Variants in CATSPERD observed in about 807,000 individuals in gnomAD.
CATSPERD encodes catsper channel auxiliary subunit delta, also known as cation channel sperm-associated auxiliary subunit delta.
CATSPERD carries 86 observed loss-of-function variants against 98.1 expected under a neutral mutation model. The observed-to-expected ratio is 0.88, with a 90% CI of 0.74 to 1.05. CATSPERD has a LOEUF of 1.05. CATSPERD is among the 50% of genes least tolerant of loss of function. The pLI, the probability that CATSPERD is intolerant of heterozygous loss-of-function variation, is 0.00. For missense variants in CATSPERD, 995 were observed against 1,005.7 expected (o/e 0.99, Z 0.14); for synonymous variants, 394 against 390.2 (o/e 1.01, Z -0.12).
chr19:5,751,512 A>C (rs555398166), intron 11 of CATSPERD, 135 bp from the exon 12 acceptor site: 242 of 586,308 alleles, frequency 4.1e-4, no homozygotes, highest in East Asian at 1.9e-3. Context: ...CCAGCCTGGG[A>C]GACAGAGTGA....
chr19:5,765,527 C>T (rs948758757), intron 16 of CATSPERD, among the ~76,000 whole-genome samples: 1 of 151,882 alleles, frequency 6.6e-6, no homozygotes, highest in Admixed American at 6.6e-5. Flanking sequence ...TAAATTAGTT[C>T]TGGGCCTGGC....
intron 8 of CATSPERD, 128 bp from the exon 9 acceptor site, chr19:5,745,785 C>A: frequency 1.3e-6 from 1 of 790,612 alleles, no homozygotes; most frequent in African/African-American, 1.7e-5. Context: ...GAAAGGCAGA[C>A]TTGTGGCTTC....
intron 12 of CATSPERD, chr19:5,753,579 C>T (rs1419170693): frequency 2.6e-6 from 1 of 390,408 alleles, no homozygotes; most frequent in Non-Finnish European, 5.0e-6. Context: ...AAAAAAGAAA[C>T]AGAAAGAGGT....
chr19:5,772,687 C>A, intron 19 of CATSPERD, 101 bp from the exon 20 acceptor site: 2 of 1,223,386 alleles, frequency 1.6e-6, no homozygotes, highest in African/African-American at 1.5e-5. Context: ...TGTCACCTCC[C>A]ACCCCCCAAG....
At chr19:5,740,354 G>A (rs945666397) in intron 7 of CATSPERD, among the ~76,000 whole-genome samples, 18 of 151,330 alleles carry the variant, frequency 1.2e-4, no homozygotes, top group South Asian at 2.1e-4. Flanking sequence ...TTGGGAGGCC[G>A]AGGTGGGTGG....
intron 17 of CATSPERD, among the ~76,000 whole-genome samples, chr19:5,766,470 AAAAGT>A (rs2056541380): frequency 1.3e-5 from 2 of 151,916 alleles, no homozygotes; most frequent in Non-Finnish European, 2.9e-5. Context: ...AAAAAAAAAA[AAAAGT>A]AAGTATGTTG....
intron 7 of CATSPERD, among the ~76,000 whole-genome samples, chr19:5,740,439 T>G (rs1462850884): frequency 2.9e-5 from 4 of 138,862 alleles, no homozygotes; most frequent in Non-Finnish European, 6.2e-5. Flanking sequence ...AATACAAAAT[T>G]AGCTGGGCGT....
chr19:5,757,925 A>C lies in CATSPERD; in HGVS notation c.1361A>C (p.Tyr454Ser). ...NGYTSDGNTK[Y>S]KLDIFLKQQQ... ...TACACATCAGATGGGAACACCAAGT[A>C]CAAACTGGTGAGCCGCGTCCCCACC... is the stretch of plus-strand genomic sequence containing the variant. Residue 454 changes from tyrosine (Y) to serine (S), a missense_variant, in exon 14 of 22, where the codon TAC becomes TCC. Physicochemically the swap from Tyr to Ser is moderately radical, Grantham distance 144. This residue lies in a region of CATSPERD where 762 missense variants were observed against 773.7 expected (regional missense o/e 0.98). Transcript: ENST00000381624. 6.2e-7 allele frequency: 1 copy of C among 1,611,798 alleles called. No homozygotes were observed.
At chr19:5,776,381 T>G in intron 21 of CATSPERD, 66 bp downstream of exon 21, 1 of 1,569,846 alleles carries the variant, frequency 6.4e-7, no homozygotes, top group Non-Finnish European at 8.7e-7. Flanking sequence ...GTCACCCGTT[T>G]CGGGGGACAT....
chr19:5,749,960 C>A (rs1248926966), intron 11 of CATSPERD, among the ~76,000 whole-genome samples: 1 of 151,290 alleles, frequency 6.6e-6, no homozygotes, highest in African/African-American at 2.4e-5. Context: ...CATGCCACCA[C>A]ACCAGGCTAA....
At chr19:5,752,976 C>T (rs543304820) in intron 12 of CATSPERD, among the ~76,000 whole-genome samples, 14 of 149,048 alleles carry the variant, frequency 9.4e-5, no homozygotes, top group African/African-American at 2.5e-4. Context: ...TGCAGTGAGC[C>T]GAAACCAAGC....
At chr19:5,720,890 C>A in intron 1 of CATSPERD, 82 bp downstream of exon 1, 11 of 1,158,530 alleles carry the variant, frequency 9.5e-6, no homozygotes, top group Middle Eastern at 2.0e-4. Flanking sequence ...GAGGCCTGCT[C>A]CCCAACCTCA....
chr19:5,764,402 ACCTCCCGGGTTCACGCCAT>A (rs1176555709), intron 16 of CATSPERD, among the ~76,000 whole-genome samples: 30 of 144,674 alleles, frequency 2.1e-4, no homozygotes, highest in African/African-American at 7.7e-4. Flanking sequence ...TGCAAGCTCC[ACCTCCCGGGTTCACGCCAT>A]TCTTCTGCCT....
intron 15 of CATSPERD, among the ~76,000 whole-genome samples, chr19:5,762,054 A>ATTTTTTT (rs1378491245): frequency 6.7e-5 from 1 of 14,880 alleles, no homozygotes; most frequent in Non-Finnish European, 1.6e-4. Flanking sequence ...ATATATATAT[A>ATTTTTTT]TATATTTTTT....
chr19:5,769,611 C>T (rs1436726987), intron 18 of CATSPERD, among the ~76,000 whole-genome samples: 2 of 152,056 alleles, frequency 1.3e-5, no homozygotes, highest in African/African-American at 2.4e-5. Flanking sequence ...AGACCTGAGC[C>T]CTCAAATGCA....
At chr19:5,742,998 G>T (rs3120613) in intron 7 of CATSPERD, among the ~76,000 whole-genome samples, 61,596 of 151,888 alleles carry the variant, frequency 0.41, 13,054 homozygotes, top group Non-Finnish European at 0.48. Context: ...AACTTTGCAG[G>T]TGGGATTAAA....
intron 11 of CATSPERD, among the ~76,000 whole-genome samples, chr19:5,749,638 A>G (rs2056165883): frequency 6.6e-6 from 1 of 152,056 alleles, no homozygotes; most frequent in Non-Finnish European, 1.5e-5. Context: ...CGTGTATTAC[A>G]TTATTTAACC....
Position 5,772,588 on chromosome 19 carries a change from C to G in CATSPERD, c.1764-200C>G, listed in dbSNP as rs542195214. On this transcript the variant is annotated intron_variant, in intron 19 of 21. Coordinates refer to ENST00000381624, the MANE Select transcript of CATSPERD (RefSeq NM_152784.4). ...TCAGTGCTGGCTGCTGCCCATCTCC[C>G]CATGCACCCAGCTCTTTCTCCTGGC... Among the ~76,000 whole-genome samples the G allele has an allele frequency of 2.0e-5, 3 of 152,172 alleles. No individual in the cohort carries two copies. In the East Asian group the frequency reaches 5.8e-4, roughly 29 times the overall value.
chr19:5,776,044 C>A, intron 20 of CATSPERD, 117 bp from the exon 21 acceptor site: 1 of 1,112,274 alleles, frequency 9.0e-7, no homozygotes, highest in Non-Finnish European at 1.3e-6. Context: ...CCCAGAGTCC[C>A]ACCCATGCGT....
Sources: gnomAD v4.1 joint callset for allele counts (sites outside exome capture counted in the v4.1 genomes callset) on GRCh38, gnomAD v4.1.1 for gene constraint, gnomAD v4.1.1 regional missense constraint, MANE v1.5 for transcripts, NCBI Gene and HGNC (gene_info 2026-07-23, HGNC 2026-07-21) for gene names.